Variants in KCNIP1 observed in about 807,000 individuals in gnomAD.
The protein encoded by KCNIP1 is A-type potassium channel modulatory protein KCNIP1.
KCNIP1 carries 18 observed loss-of-function variants against 33.0 expected under a neutral mutation model. The ratio of observed to expected loss-of-function variants is 0.55; its 90% CI spans 0.38 to 0.81. The LOEUF is 0.81. Among genes scored for constraint, KCNIP1 ranks in the 30% least tolerant of loss-of-function variants. The pLI is 0.00. For missense variants in KCNIP1, 238 were observed against 271.6 expected, an observed-to-expected ratio of 0.88 and a Z score of 0.87; for synonymous variants, 93 against 98.3, an observed-to-expected ratio of 0.95 and a Z score of 0.32.
At chr5:170,533,343 T>G (rs1367449489) in intron 1 of KCNIP1, among the ~76,000 whole-genome samples, 1 of 152,216 alleles carries the variant, frequency 6.6e-6, no homozygotes, top group Non-Finnish European at 1.5e-5. Context: ...AACAGGCATT[T>G]CTGATTCGCG....
chr5:170,390,517 A>AAAATATATATATAT lies in KCNIP1; in HGVS notation c.88+36554_88+36555insAATATATATATATA. Among the ~76,000 whole-genome samples, 25 of 74,504 alleles carry AAAATATATATATAT rather than the reference A, an allele frequency of 3.4e-4. 1 individual carries two copies. The highest frequency in any genetic ancestry group is 4.5e-4 in the Non-Finnish European group (18 of 40,212). The allele number at this position is 74,504 out of a possible 152,430, so 48.9% of individuals were successfully genotyped here. ...GACCCCGTCTCAAAAAAAAAAAACA[A>AAAATATATATATAT]ATATATATATATATATATATATTTT... On this transcript the variant is annotated intron_variant, in intron 1 of 7. Transcript: ENST00000377360.
At chr5:170,681,059 T>C (rs1581491908) in intron 1 of KCNIP1, 1 of 399,480 alleles carries the variant, frequency 2.5e-6, no homozygotes, top group East Asian at 3.6e-5. Context: ...TGCGCCAGGG[T>C]GCTGTGAGGA....
rs531147126 is a variant in KCNIP1 at position 170,633,151 on chromosome 5, G to A, written c.62-85607G>A. Among the ~76,000 whole-genome samples the A allele has an allele frequency of 5.3e-3, 806 of 152,290 alleles. 9 individuals are homozygous for A. The highest frequency in any genetic ancestry group is 0.037 in the Middle Eastern group (11 of 294). The stretch of plus-strand genomic sequence containing the variant: ...GCATTCTCGGGGTCTCTCCAGCAAG[G>A]ATGGAGGCGGCCAGGGGCTTGGGCG... On this transcript the variant is annotated intron_variant, in intron 1 of 7. Transcript: ENST00000328939.
intron 1 of KCNIP1, among the ~76,000 whole-genome samples, chr5:170,387,956 C>A (rs11742820): frequency 0.19 from 29,673 of 152,246 alleles, 2,957 homozygotes; most frequent in South Asian, 0.26. Context: ...AAAGCCATTT[C>A]TCTCCTGGGG....
chr5:170,375,858 G>T (rs314153), intron 1 of KCNIP1: 2 of 152,116 alleles, frequency 1.3e-5, no homozygotes, highest in Non-Finnish European at 2.9e-5. Flanking sequence ...TATCAGTTTC[G>T]TTTTGCAAAC....
At chr5:170,462,762 T>C (rs978160417) in intron 1 of KCNIP1, among the ~76,000 whole-genome samples, 4 of 151,240 alleles carry the variant, frequency 2.6e-5, no homozygotes, top group African/African-American at 4.8e-5. Context: ...TGGATATATA[T>C]ATATATAAAT....
intron 1 of KCNIP1, among the ~76,000 whole-genome samples, chr5:170,633,104 G>A (rs1216457007): frequency 2.0e-5 from 3 of 152,162 alleles, no homozygotes; most frequent in Non-Finnish European, 2.9e-5. Flanking sequence ...GAAGGGGGTT[G>A]CGAGGGTCAC....
At chr5:170,394,590 A>G (rs1472322142) in intron 1 of KCNIP1, among the ~76,000 whole-genome samples, 3 of 152,212 alleles carry the variant, frequency 2.0e-5, no homozygotes, top group Admixed American at 1.3e-4. Flanking sequence ...TACATAAAAC[A>G]CTTTTCTTTC....
At chr5:170,433,820 G>A (rs761236535) in intron 1 of KCNIP1, among the ~76,000 whole-genome samples, 11 of 152,192 alleles carry the variant, frequency 7.2e-5, no homozygotes, top group Non-Finnish European at 1.6e-4. Context: ...AAATGAGGAC[G>A]TTGAGGCTCA....
intron 1 of KCNIP1, among the ~76,000 whole-genome samples, chr5:170,390,502 C>CAAAAA (rs1296285736): frequency 1.4e-4 from 5 of 35,792 alleles, no homozygotes; most frequent in South Asian, 6.9e-4. Flanking sequence ...GACCCCGTCT[C>CAAAAA]AAAAAAAAAA....
In KCNIP1 at chr5:170,600,805, T is replaced by C. The variant is rs554849311; in HGVS notation, c.61+96172T>C. Among the ~76,000 whole-genome samples, 52 of 152,352 alleles carry C rather than the reference T, an allele frequency of 3.4e-4. 2 individuals carry two copies. In the South Asian group the frequency reaches 7.3e-3, roughly 21 times the overall value. ...CAGCCATGTGTTAGCTGTGCGACCC[T>C]GGGCAAGCTAGCCCGCTGCTCCTCA... On this transcript the variant is annotated intron_variant, in intron 1 of 7. Transcript: ENST00000328939.
chr5:170,589,629 G>T (rs957443162), intron 1 of KCNIP1, among the ~76,000 whole-genome samples: 3 of 152,186 alleles, frequency 2.0e-5, no homozygotes, highest in African/African-American at 7.2e-5. Context: ...TGTCAGGGAA[G>T]CCCCCTTGGA....
At chr5:170,527,214 T>C (rs1006171713) in intron 1 of KCNIP1, among the ~76,000 whole-genome samples, 8 of 152,192 alleles carry the variant, frequency 5.3e-5, no homozygotes, top group Non-Finnish European at 1.2e-4. Flanking sequence ...GTCCAAGCCT[T>C]ATAGAGCTTC....
rs1233844712 is a variant in KCNIP1, at chr5:170,365,629, G to A, written c.88+11665G>A. 2.0e-5 allele frequency among the ~76,000 whole-genome samples: 3 copies of A among 152,314 alleles called. No homozygotes were observed. The East Asian group carries it at 5.8e-4, about 29-fold the overall frequency. On this transcript the variant is annotated intron_variant, in intron 1 of 7. Coordinates refer to the KCNIP1 transcript ENST00000377360. Reference sequence around the variant, plus strand: ...TGAGCAGTCACCAGCGAAGGCATCTGGGGGCTGCAGACGCAGCTGGCTTCC... The same window carrying A: ...TGAGCAGTCACCAGCGAAGGCATCTAGGGGCTGCAGACGCAGCTGGCTTCC...
At chr5:170,725,057 G>C (rs1395438652) in intron 5 of KCNIP1, among the ~76,000 whole-genome samples, 1 of 152,186 alleles carries the variant, frequency 6.6e-6, no homozygotes, top group Non-Finnish European at 1.5e-5. Context: ...AAAATGTGCA[G>C]TAGTCAAGAT....
At chr5:170,647,087 ACT>A (rs921218297) in intron 1 of KCNIP1, among the ~76,000 whole-genome samples, 12 of 152,074 alleles carry the variant, frequency 7.9e-5, no homozygotes, top group Admixed American at 7.2e-4. Flanking sequence ...AAACTACAAA[ACT>A]CTGATGAAAG....
intron 5 of KCNIP1, among the ~76,000 whole-genome samples, chr5:170,725,833 T>A (rs974003241): frequency 2.0e-5 from 3 of 152,048 alleles, no homozygotes; most frequent in Non-Finnish European, 2.9e-5. Flanking sequence ...AAATATTTTT[T>A]AAAAATAGAG....
Position 170,690,441 on chromosome 5 carries a change from C to T in KCNIP1, c.62-28317C>T, listed in dbSNP as rs77321760. On this transcript the variant is annotated intron_variant, in intron 1 of 7. Transcript: ENST00000328939. ...TTCTCCTGATATTTCAAAGAATTTC[C>T]AAGAATAGGGAAATCTCCTGATATT... 4.5e-3 allele frequency among the ~76,000 whole-genome samples: 684 copies of T among 152,244 alleles called. 1 individual carries two copies. Among genetic ancestry groups the T allele is most frequent in the Non-Finnish European group, 7.5e-3 (507 of 68,020 alleles).
At chr5:170,651,695 C>T (rs1037665271) in intron 1 of KCNIP1, among the ~76,000 whole-genome samples, 3 of 152,164 alleles carry the variant, frequency 2.0e-5, no homozygotes, top group Admixed American at 6.5e-5. Context: ...ATGAATGCCT[C>T]GGACAGATTT....
Sources: allele counts gnomAD v4.1 joint callset (sites outside exome capture counted in the v4.1 genomes callset), GRCh38; gene constraint gnomAD v4.1.1; transcripts MANE v1.5; gene names NCBI Gene and HGNC (gene_info 2026-07-23, HGNC 2026-07-21).